MYO5B: variants seen among roughly 807,000 people sequenced by gnomAD.
MYO5B encodes the protein unconventional myosin-Vb.
Under a neutral mutation model 229.3 loss-of-function variants are expected in MYO5B, and 143 were observed. The observed-to-expected ratio is 0.62, with a 90% CI of 0.54 to 0.72. MYO5B has a LOEUF of 0.72. Ranked by LOEUF, MYO5B falls within the 30% of genes least tolerant of loss-of-function variation. The pLI, the probability that MYO5B is intolerant of heterozygous loss-of-function variation, is 0.00. For synonymous variants in MYO5B, 918 were observed against 885.2 expected (o/e 1.04, Z -0.66); for missense variants, 2,321 against 2,331.0 (o/e 1.00, Z 0.09).
intron 18 of MYO5B, 88 bp downstream of exon 18, chr18:49,911,974 C>CA (rs1029520063): frequency 3.4e-3 from 2,964 of 859,986 alleles, no homozygotes; most frequent in Non-Finnish European, 4.4e-3. Flanking sequence ...GGATGAAGAC[C>CA]AAAAAAAAAA....
chr18:49,958,966 C>T (rs959900821), intron 12 of MYO5B, among the ~76,000 whole-genome samples: 1 of 152,218 alleles, frequency 6.6e-6, no homozygotes, highest in Admixed American at 6.5e-5. Context: ...CCCCTGTGGG[C>T]TGATACCTTG....
intron 22 of MYO5B, among the ~76,000 whole-genome samples, chr18:49,889,038 C>G (rs570303295): frequency 6.6e-6 from 1 of 152,224 alleles, no homozygotes; most frequent in African/African-American, 2.4e-5. Context: ...CCCAGGCCAC[C>G]GCCAGCACCT....
At chr18:50,143,847 G>T (rs982027627) in intron 1 of MYO5B, among the ~76,000 whole-genome samples, 3 of 152,150 alleles carry the variant, frequency 2.0e-5, no homozygotes, top group African/African-American at 7.2e-5. Context: ...AATCCATCTG[G>T]CAACCTGCAA....
intron 1 of MYO5B, among the ~76,000 whole-genome samples, chr18:50,149,466 G>A (rs2032559627): frequency 6.6e-6 from 1 of 152,034 alleles, no homozygotes; most frequent in Admixed American, 6.6e-5. Flanking sequence ...AAAACAGCAT[G>A]GTACTGGTAC....
At chr18:49,956,862 A>G (rs1423951110) in intron 12 of MYO5B, among the ~76,000 whole-genome samples, 1 of 152,182 alleles carries the variant, frequency 6.6e-6, no homozygotes, top group Non-Finnish European at 1.5e-5. Flanking sequence ...TTAAATGCCC[A>G]GAATAGGCAA....
intron 4 of MYO5B, among the ~76,000 whole-genome samples, chr18:50,005,690 T>A (rs1253165670): frequency 6.6e-6 from 1 of 152,200 alleles, no homozygotes; most frequent in African/African-American, 2.4e-5. Context: ...GTGCTAGAAT[T>A]ACAGGCATGA....
chr18:49,857,023 T>C, intron 29 of MYO5B, 133 bp from the exon 30 acceptor site: 1 of 748,364 alleles, frequency 1.3e-6, no homozygotes. Flanking sequence ...AGAACTCCCA[T>C]TTTCCCTTCC....
Position 49,825,620 on chromosome 18 carries a change from A to G in MYO5B, c.*851T>C, listed in dbSNP as rs1223930647. On this transcript the variant is annotated 3_prime_UTR_variant, in exon 40 of 40. Transcript: ENST00000285039. Reference sequence around the variant, plus strand: ...TGACTTGTTTGGTTTTTACATCTATAAATAAAACAAGTTTGTTATCCGTTT... The same window carrying G: ...TGACTTGTTTGGTTTTTACATCTATGAATAAAACAAGTTTGTTATCCGTTT... 1.3e-5 allele frequency: 2 copies of G among 152,266 alleles called. No individual in the cohort carries two copies. Among genetic ancestry groups the G allele is most frequent in the Non-Finnish European group, 2.9e-5 (2 of 68,044 alleles). 9.4% of individuals were successfully genotyped at this position (152,266 alleles called of 1,614,324 possible).
chr18:50,004,791 G>A (rs2026083833), intron 4 of MYO5B, among the ~76,000 whole-genome samples: 1 of 152,168 alleles, frequency 6.6e-6, no homozygotes, highest in Non-Finnish European at 1.5e-5. Flanking sequence ...GTGCACATTA[G>A]GCATATACAC....
intron 39 of MYO5B, among the ~76,000 whole-genome samples, chr18:49,829,067 G>A (rs1437509758): frequency 1.4e-5 from 2 of 143,928 alleles, no homozygotes; most frequent in Non-Finnish European, 3.0e-5. Flanking sequence ...ATCAAAGTTG[G>A]TTCAAAAAAT....
At chr18:50,110,176 G>C (rs1186216567) in intron 1 of MYO5B, among the ~76,000 whole-genome samples, 1 of 152,062 alleles carries the variant, frequency 6.6e-6, no homozygotes, top group Admixed American at 6.5e-5. Context: ...AATGCTTCAA[G>C]TGTTTGGCCA....
chr18:50,055,234 CA>C, intron 2 of MYO5B, 33 bp downstream of exon 2: 1 of 691,742 alleles, frequency 1.4e-6, no homozygotes, highest in Non-Finnish European at 2.7e-6. Flanking sequence ...TGCCCCACCT[CA>C]CCCCCGCCCC....
At chr18:50,163,134 T>G (rs935439370) in intron 1 of MYO5B, among the ~76,000 whole-genome samples, 2 of 152,202 alleles carry the variant, frequency 1.3e-5, no homozygotes, top group African/African-American at 4.8e-5. Flanking sequence ...AGACACAAGA[T>G]GATTCATGAC....
intron 19 of MYO5B, 110 bp downstream of exon 19, chr18:49,906,309 C>T (rs116958090): frequency 0.014 from 15,141 of 1,117,790 alleles, 143 homozygotes; most frequent in Non-Finnish European, 0.015. Flanking sequence ...ATGGCCCCAA[C>T]AGGAACCACT....
At chr18:49,914,391 C>G (rs948717882) in intron 17 of MYO5B, among the ~76,000 whole-genome samples, 5 of 152,144 alleles carry the variant, frequency 3.3e-5, no homozygotes, top group African/African-American at 1.2e-4. Flanking sequence ...TCACTCATTT[C>G]GAGATATTAA....
intron 17 of MYO5B, among the ~76,000 whole-genome samples, chr18:49,919,620 A>G (rs2025053516): frequency 6.6e-6 from 1 of 152,200 alleles, no homozygotes; most frequent in African/African-American, 2.4e-5. Flanking sequence ...AAATCACAAG[A>G]TACCTCTTCA....
Position 50,043,596 on chromosome 18 carries a change from G to GTATATAAATATATAAATA in MYO5B, c.139-3300_139-3283dup, listed in dbSNP as rs1270283717. On this transcript the variant is annotated intron_variant, in intron 2 of 39. Transcript: ENST00000285039. ...TTTTTATATAAAAATATATTTATAA[G>GTATATAAATATATAAATA]TATATAAATATATAAATATATATAA... Among the ~76,000 whole-genome samples the GTATATAAATATATAAATA allele has an allele frequency of 9.0e-5, 11 of 121,742 alleles. No homozygotes were observed. In the South Asian group the frequency reaches 1.2e-3, roughly 13 times the overall value. 79.9% of individuals were successfully genotyped at this position (121,742 alleles called of 152,430 possible). A position where few individuals can be genotyped will look rare whatever the true frequency, so the allele number is the denominator to read the frequency against.
chr18:49,914,981 G>C (rs1568029450), intron 17 of MYO5B, among the ~76,000 whole-genome samples: 1 of 152,056 alleles, frequency 6.6e-6, no homozygotes, highest in Non-Finnish European at 1.5e-5. Context: ...CCTGGGATGA[G>C]AAGGAAAATG....
intron 1 of MYO5B, among the ~76,000 whole-genome samples, chr18:50,131,805 C>T (rs1377234198): frequency 6.6e-6 from 1 of 152,026 alleles, no homozygotes; most frequent in African/African-American, 2.4e-5. Flanking sequence ...GGGAAACCAC[C>T]TCCCCTCTAT....
Sources: gnomAD v4.1 joint callset for allele counts (sites outside exome capture counted in the v4.1 genomes callset) on GRCh38, gnomAD v4.1.1 for gene constraint, MANE v1.5 for transcripts, NCBI Gene and HGNC (gene_info 2026-07-23, HGNC 2026-07-21) for gene names.